KIF13B: variants seen among roughly 807,000 people sequenced by gnomAD.
KIF13B encodes the protein kinesin family member 13B, also known as kinesin-like protein KIF13B.
KIF13B carries 127 observed loss-of-function variants against 222.0 expected under a neutral mutation model. The ratio of observed to expected loss-of-function variants is 0.57; its 90% CI spans 0.50 to 0.66. The LOEUF is 0.66. Ranked by LOEUF, KIF13B falls within the 30% of genes least tolerant of loss-of-function variation. The pLI is 0.00. For synonymous variants in KIF13B, 976 were observed against 919.0 expected (o/e 1.06, Z -1.12); for missense variants, 2,173 against 2,379.0 (o/e 0.91, Z 1.80).
intron 9 of KIF13B, 86 bp from the exon 10 acceptor site, chr8:29,176,265 C>A (rs993856161): frequency 1.0e-5 from 8 of 775,226 alleles, no homozygotes; most frequent in Non-Finnish European, 1.5e-5. Context: ...CACTAAGATG[C>A]CCTTGTACCT....
At chr8:29,191,243 A>G (rs1813170126) in intron 3 of KIF13B, among the ~76,000 whole-genome samples, 186 bp from the exon 4 acceptor site, 3 of 152,238 alleles carry the variant, frequency 2.0e-5, no homozygotes, top group Non-Finnish European at 2.9e-5. Context: ...TATATTTTAC[A>G]TGGAAAACTA....
intron 36 of KIF13B, among the ~76,000 whole-genome samples, chr8:29,093,608 A>T (rs1213416770): frequency 6.6e-6 from 1 of 152,246 alleles, no homozygotes; most frequent in African/African-American, 2.4e-5. Flanking sequence ...TTGCCTCAAC[A>T]GATGCACACA....
intron 2 of KIF13B, among the ~76,000 whole-genome samples, chr8:29,242,301 T>C (rs1281238779): frequency 6.6e-6 from 1 of 152,094 alleles, no homozygotes; most frequent in African/African-American, 2.4e-5. Flanking sequence ...AGAAACTACT[T>C]TGCCTACCAT....
chr8:29,114,489 GAT>G (rs1318103308), intron 31 of KIF13B, among the ~76,000 whole-genome samples: 1 of 152,202 alleles, frequency 6.6e-6, no homozygotes, highest in East Asian at 1.9e-4. Context: ...AAGGTATAGA[GAT>G]CACTGTCCTT....
intron 23 of KIF13B, 35 bp downstream of exon 23, chr8:29,132,273 A>G (rs1048795492): frequency 1.4e-6 from 2 of 1,381,996 alleles, no homozygotes; most frequent in Non-Finnish European, 9.5e-7. Context: ...AATTACATAT[A>G]TATAAATGGA....
intron 18 of KIF13B, chr8:29,145,805 C>CAAAAAAAAAAAAAAAAAAACAAA (rs11371242): frequency 7.9e-6 from 1 of 127,246 alleles, no homozygotes; most frequent in Non-Finnish European, 1.6e-5. Context: ...AAAAGAACCT[C>CAAAAAAAAAAAAAAAAAAACAAA]AAAAAAAAAA....
chr8:29,147,980 C>T (rs1376085753), intron 16 of KIF13B, among the ~76,000 whole-genome samples: 1 of 152,188 alleles, frequency 6.6e-6, no homozygotes, highest in Non-Finnish European at 1.5e-5. Context: ...GGCGGATCAC[C>T]TGAGGTCAGG....
intron 21 of KIF13B, among the ~76,000 whole-genome samples, chr8:29,137,245 C>A (rs1810605894): frequency 6.6e-6 from 1 of 152,232 alleles, no homozygotes; most frequent in African/African-American, 2.4e-5. Flanking sequence ...GCTGAACTCT[C>A]GCCTATGGGC....
intron 31 of KIF13B, among the ~76,000 whole-genome samples, chr8:29,114,452 G>C (rs1229027573): frequency 6.6e-6 from 1 of 152,166 alleles, no homozygotes; most frequent in Non-Finnish European, 1.5e-5. Context: ...GCCTTGCAGT[G>C]CTGAGCCAAG....
At position 29,188,672 on chromosome 8, in the gene KIF13B, A is replaced by G; in HGVS notation, c.224-65T>C. On this transcript the variant is annotated intron_variant, in intron 4 of 39. Coordinates refer to ENST00000524189, the MANE Select transcript of KIF13B (RefSeq NM_015254.4). The stretch of plus-strand genomic sequence containing the variant: ...AAACTACATATGAACAATTCACAAA[A>G]CAAAAACAAAAATCTCAAAAATGTA... The G allele has an allele frequency of 3.0e-6, 3 of 1,000,100 alleles. No homozygotes were observed. The South Asian group carries it at 4.5e-5, about 15-fold the overall frequency. The allele number at this position is 1,000,100 out of a possible 1,614,324, so 62.0% of individuals were successfully genotyped here.
chr8:29,201,951 C>T (rs1052623487), intron 2 of KIF13B, among the ~76,000 whole-genome samples: 2 of 152,204 alleles, frequency 1.3e-5, no homozygotes, highest in African/African-American at 2.4e-5. Flanking sequence ...AGCTTCTCAA[C>T]ATTTGCTTAC....
At chr8:29,174,290 A>G (rs1812386979) in intron 10 of KIF13B, among the ~76,000 whole-genome samples, 1 of 152,206 alleles carries the variant, frequency 6.6e-6, no homozygotes, top group Non-Finnish European at 1.5e-5. Flanking sequence ...GCTTTTATGA[A>G]AAAGAATAAT....
intron 37 of KIF13B, among the ~76,000 whole-genome samples, chr8:29,085,957 C>A (rs1355102495): frequency 1.3e-5 from 2 of 151,942 alleles, no homozygotes; most frequent in African/African-American, 4.8e-5. Context: ...GCCCTAGGAC[C>A]CTCCACTGCT....
At chr8:29,235,035 C>A (rs186343786) in intron 2 of KIF13B, among the ~76,000 whole-genome samples, 1 of 152,264 alleles carries the variant, frequency 6.6e-6, no homozygotes, top group African/African-American at 2.4e-5. Context: ...AATCTCTAAT[C>A]TACACATTAT....
intron 37 of KIF13B, among the ~76,000 whole-genome samples, chr8:29,077,148 C>T (rs1438013434): frequency 6.6e-6 from 1 of 152,092 alleles, no homozygotes; most frequent in African/African-American, 2.4e-5. Context: ...GAGGGAGGGT[C>T]CCCTGGTGGC....
intron 2 of KIF13B, among the ~76,000 whole-genome samples, chr8:29,242,560 T>C (rs1447322289): frequency 6.6e-6 from 1 of 152,178 alleles, no homozygotes; most frequent in Admixed American, 6.5e-5. Flanking sequence ...TATTAATTGT[T>C]CTAGTAGTAT....
At chr8:29,238,169 A>G (rs1490528775) in intron 2 of KIF13B, among the ~76,000 whole-genome samples, 1 of 152,234 alleles carries the variant, frequency 6.6e-6, no homozygotes, top group African/African-American at 2.4e-5. Context: ...ATTAGCATCC[A>G]TATAGCAGTA....
Position 29,109,999 on chromosome 8 carries a change from A to G in KIF13B, c.4002T>C (p.Ala1334=). 1 of 1,607,300 alleles carries G rather than the reference A, an allele frequency of 6.2e-7. No homozygotes were observed. Among genetic ancestry groups the G allele is most frequent in the South Asian group, 1.1e-5 (1 of 89,508 alleles). The part of the protein sequence containing the change: ...MAANVENPAS[A]DSEAYIEKYL... ...ACTTTTCAATATAAGCCTCCGAGTCAGCAGAAGCTGGGTTTTCAACATTGG... is the reference window on the plus strand; with the variant it reads ...ACTTTTCAATATAAGCCTCCGAGTCGGCAGAAGCTGGGTTTTCAACATTGG... Residue 1334 remains alanine, a synonymous_variant, in exon 33 of 40, where the codon GCT becomes GCC. Coordinates refer to ENST00000524189, the MANE Select transcript of KIF13B (RefSeq NM_015254.4).
intron 2 of KIF13B, among the ~76,000 whole-genome samples, chr8:29,205,211 G>C (rs893859248): frequency 1.3e-5 from 2 of 151,924 alleles, no homozygotes; most frequent in Non-Finnish European, 1.5e-5. Context: ...TTAAAAAAAA[G>C]GTCCACAAGC....
Sources: gnomAD v4.1 joint callset for allele counts (sites outside exome capture counted in the v4.1 genomes callset) on GRCh38, gnomAD v4.1.1 for gene constraint, MANE v1.5 for transcripts, NCBI Gene and HGNC (gene_info 2026-07-23, HGNC 2026-07-21) for gene names.